CDKAL1: variants seen among roughly 807,000 people sequenced by gnomAD.
CDKAL1 encodes the protein threonylcarbamoyladenosine tRNA methylthiotransferase.
Under a neutral mutation model 68.2 loss-of-function variants are expected in CDKAL1, and 32 were observed. The ratio of observed to expected loss-of-function variants is 0.47; its 90% CI spans 0.35 to 0.63. The LOEUF (loss-of-function observed/expected upper bound fraction) is 0.63, where lower values mean the gene tolerates loss of function less well. CDKAL1 is among the 30% of genes least tolerant of loss of function. The pLI is 0.00. For synonymous variants in CDKAL1, 234 were observed against 244.3 expected (o/e 0.96, Z 0.39); for missense variants, 606 against 696.7 (o/e 0.87, Z 1.47).
chr6:20,749,398 G>A (rs886357836), intron 6 of CDKAL1, among the ~76,000 whole-genome samples: 2 of 152,054 alleles, frequency 1.3e-5, no homozygotes, highest in African/African-American at 4.8e-5. Flanking sequence ...CAGTCCTTGT[G>A]CTTACTCTTC....
Position 21,086,197 on chromosome 6 carries a change from G to A in CDKAL1, c.1236+20969G>A, listed in dbSNP as rs191526227. Among the ~76,000 whole-genome samples, 553 of 152,260 alleles carry A rather than the reference G, an allele frequency of 3.6e-3. 3 individuals are homozygous for A. The highest frequency in any genetic ancestry group is 0.012 in the African/African-American group (503 of 41,554). ...GCACAAAGAGTATAACTTGCTCAAAGTGACACAATTAATGGTGGACTTAGG... is the reference window on the plus strand; with the variant it reads ...GCACAAAGAGTATAACTTGCTCAAAATGACACAATTAATGGTGGACTTAGG... On this transcript the variant is annotated intron_variant, in intron 12 of 15. Coordinates refer to ENST00000274695, the MANE Select transcript of CDKAL1 (RefSeq NM_017774.3).
intron 4 of CDKAL1, among the ~76,000 whole-genome samples, chr6:20,614,345 T>C (rs1263080312): frequency 6.6e-6 from 1 of 152,196 alleles, no homozygotes; most frequent in Non-Finnish European, 1.5e-5. Context: ...AATGGTTTCA[T>C]TTTCTTACAT....
chr6:21,215,017 A>G (rs1005434601), intron 15 of CDKAL1, among the ~76,000 whole-genome samples: 2 of 152,218 alleles, frequency 1.3e-5, no homozygotes, highest in African/African-American at 4.8e-5. Context: ...ATGCCCTATG[A>G]CAACCAACCA....
chr6:20,836,040 T>G (rs1034168432), intron 8 of CDKAL1, among the ~76,000 whole-genome samples: 29 of 152,214 alleles, frequency 1.9e-4, no homozygotes, highest in African/African-American at 7.0e-4. Flanking sequence ...GACCCATGGG[T>G]TTCTGCTCCC....
chr6:20,947,092 CAATG>C (rs147092380), intron 9 of CDKAL1, among the ~76,000 whole-genome samples: 1,716 of 151,846 alleles, frequency 0.011, 37 homozygotes, highest in African/African-American at 0.038. Flanking sequence ...TAGAAGGAGT[CAATG>C]AATGAATGAA....
At chr6:20,702,817 C>A (rs1384435459) in intron 5 of CDKAL1, among the ~76,000 whole-genome samples, 2 of 152,168 alleles carry the variant, frequency 1.3e-5, no homozygotes, top group African/African-American at 4.8e-5. Context: ...CCTGTCCTCA[C>A]CTAGGTCTGT....
chr6:20,541,348 C>T (rs1341520755), intron 2 of CDKAL1, among the ~76,000 whole-genome samples: 8 of 152,274 alleles, frequency 5.3e-5, no homozygotes, highest in Non-Finnish European at 5.9e-5. Context: ...TTCAGATGCT[C>T]AAATAATGTC....
chr6:20,569,137 T>G (rs1216968578), intron 4 of CDKAL1, among the ~76,000 whole-genome samples: 1 of 152,264 alleles, frequency 6.6e-6, no homozygotes, highest in South Asian at 2.1e-4. Flanking sequence ...ATTTTTACTG[T>G]TAGATGTAAA....
chr6:20,995,273 G>C (rs905305173), intron 10 of CDKAL1, among the ~76,000 whole-genome samples: 2 of 152,058 alleles, frequency 1.3e-5, no homozygotes, highest in Non-Finnish European at 2.9e-5. Flanking sequence ...TTGATATTTT[G>C]TTCTCCTCCC....
At position 21,231,001 on chromosome 6, in the gene CDKAL1, G is replaced by A; in HGVS notation, c.1702G>A (p.Gly568Ser). The A allele has an allele frequency of 6.2e-7, 1 of 1,608,346 alleles. No homozygotes were observed. The highest frequency in any genetic ancestry group is 1.3e-5 in the African/African-American group (1 of 74,892). Residue 568 changes from glycine (G) to serine (S), a missense_variant, in exon 16 of 16, where the codon GGT (glycine) becomes AGT (serine). Physicochemically the swap from Gly to Ser is moderately conservative, Grantham distance 56. Coordinates refer to ENST00000274695, the MANE Select transcript of CDKAL1 (RefSeq NM_017774.3). ...LRMSVGLALLGLLFAFFVKVY... is the reference protein window; with the variant it reads ...LRMSVGLALLSLLFAFFVKVY... ...GATGTCCGTGGGCTTGGCTCTGCTG[G>A]GTCTTCTTTTTGCTTTTTTTGTCAA...
chr6:20,904,644 A>C (rs1329747945), intron 9 of CDKAL1, among the ~76,000 whole-genome samples: 1 of 151,918 alleles, frequency 6.6e-6, no homozygotes, highest in Non-Finnish European at 1.5e-5. Flanking sequence ...ACAAAATTAG[A>C]CAGGTGTGGT....
chr6:20,658,000 A>G (rs1769106938), intron 5 of CDKAL1, among the ~76,000 whole-genome samples: 1 of 137,792 alleles, frequency 7.3e-6, no homozygotes, highest in South Asian at 2.1e-4. Context: ...TATGGCCTTT[A>G]ACTTGGGGGG....
At chr6:20,664,175 A>T (rs1057153981) in intron 5 of CDKAL1, among the ~76,000 whole-genome samples, 2 of 152,182 alleles carry the variant, frequency 1.3e-5, no homozygotes, top group South Asian at 4.1e-4. Context: ...GAAACTGTCG[A>T]GAACTACCCA....
intron 8 of CDKAL1, among the ~76,000 whole-genome samples, chr6:20,835,651 G>A (rs1314067169): frequency 6.6e-6 from 1 of 152,050 alleles, no homozygotes; most frequent in Non-Finnish European, 1.5e-5. Context: ...GAATTCAAGT[G>A]ATTCTCCTGC....
At chr6:20,842,805 T>A (rs1382686055) in intron 8 of CDKAL1, among the ~76,000 whole-genome samples, 1 of 152,180 alleles carries the variant, frequency 6.6e-6, no homozygotes, top group Non-Finnish European at 1.5e-5. Context: ...CACTTCAGTC[T>A]GGGCAACAGG....
chr6:20,649,374 TTAAG>T lies in CDKAL1; in HGVS notation c.371+4_371+7del. 2.6e-6 allele frequency: 4 copies of T among 1,563,248 alleles called. No individual in the cohort carries two copies. The highest frequency in any genetic ancestry group is 2.3e-5 in the East Asian group (1 of 44,314). ...GCTGAAGACCACTTTAGAAACTCAATTAAGTAAGTAGAAATTGATTTTTTCCTAT... is the reference window on the plus strand; with the variant it reads ...GCTGAAGACCACTTTAGAAACTCAATTAAGTAGAAATTGATTTTTTCCTAT... On this transcript the variant is annotated splice_donor_variant and coding_sequence_variant, in exon 5 of 16. Coordinates refer to ENST00000274695, the MANE Select transcript of CDKAL1 (RefSeq NM_017774.3). LOFTEE classifies it high-confidence loss of function.
rs1581606518 is a variant in CDKAL1, at chr6:20,801,392, A to G, written c.638+20127A>G. Among the ~76,000 whole-genome samples, 4 of 152,368 alleles carry G rather than the reference A, an allele frequency of 2.6e-5. 1 individual carries two copies. The highest frequency in any genetic ancestry group is 6.5e-5 in the Admixed American group (1 of 15,312). ...TGGACAGCAAAGTCGAAAAAATTTT[A>G]CAGTGCACACCTGTCTACCCACCAT... On this transcript the variant is annotated intron_variant, in intron 8 of 15. Transcript: ENST00000274695.
At chr6:21,072,696 T>G (rs1223769763) in intron 12 of CDKAL1, among the ~76,000 whole-genome samples, 1 of 150,974 alleles carries the variant, frequency 6.6e-6, no homozygotes, top group Non-Finnish European at 1.5e-5. Context: ...TTTTTTGTCT[T>G]TATTTTTTAA....
intron 10 of CDKAL1, among the ~76,000 whole-genome samples, chr6:20,983,610 A>G (rs1441075384): frequency 2.0e-5 from 3 of 152,062 alleles, no homozygotes; most frequent in Non-Finnish European, 2.9e-5. Context: ...AATCCCAGCT[A>G]CTCGGGAGGC....
Sources: allele counts gnomAD v4.1 joint callset (sites outside exome capture counted in the v4.1 genomes callset), GRCh38; gene constraint gnomAD v4.1.1; transcripts MANE v1.5; gene names NCBI Gene and HGNC (gene_info 2026-07-23, HGNC 2026-07-21).